Variants in ENPP3 observed in about 807,000 individuals in gnomAD.
ENPP3 encodes ectonucleotide pyrophosphatase/phosphodiesterase family member 3.
In ENPP3, 104 loss-of-function variants were observed where a neutral mutation model predicts 117.8. That is an observed-to-expected ratio of 0.88 (90% confidence interval 0.75 to 1.04). ENPP3 has a LOEUF of 1.04. ENPP3 is among the 50% of genes least tolerant of loss of function. ENPP3 has a pLI of 0.00. For missense variants in ENPP3, 1,026 were observed against 1,051.9 expected (o/e 0.98, Z 0.34); for synonymous variants, 380 against 349.9 (o/e 1.09, Z -0.96).
intron 11 of ENPP3, among the ~76,000 whole-genome samples, chr6:131,681,884 G>A (rs116054660): frequency 0.01 from 1,592 of 152,240 alleles, 24 homozygotes; most frequent in African/African-American, 0.036. Flanking sequence ...CTTTCACCCA[G>A]ACTGGAGTGA....
At chr6:131,697,658 A>G (rs546813779) in intron 15 of ENPP3, among the ~76,000 whole-genome samples, 3 of 152,034 alleles carry the variant, frequency 2.0e-5, no homozygotes, top group South Asian at 2.1e-4. Flanking sequence ...AGGAGCATAC[A>G]ACTTATATTC....
In ENPP3 at chr6:131,746,769, GT is replaced by G. The variant is rs1780643931; in HGVS notation, c.2458-16del. The G allele has an allele frequency of 6.3e-7, 1 of 1,586,516 alleles. No individual in the cohort carries two copies. The highest frequency in any genetic ancestry group is 8.5e-7 in the Non-Finnish European group (1 of 1,170,910). On this transcript the variant is annotated splice_polypyrimidine_tract_variant and intron_variant, in intron 24 of 24. Coordinates refer to ENST00000357639, the MANE Select transcript of ENPP3 (RefSeq NM_005021.5). Reference sequence around the variant, plus strand: ...ACTGCCTTGTGAAAAAAAAAGTGTTGTGCTTTTCTTTTTCAGGAAGGTAAAC... The same window carrying G: ...ACTGCCTTGTGAAAAAAAAAGTGTTGGCTTTTCTTTTTCAGGAAGGTAAAC...
chr6:131,717,916 C>T (rs978280997), intron 15 of ENPP3, among the ~76,000 whole-genome samples: 4 of 152,174 alleles, frequency 2.6e-5, no homozygotes, highest in African/African-American at 9.6e-5. Context: ...CATTGTGTTA[C>T]AGCTGCCTGT....
intron 2 of ENPP3, among the ~76,000 whole-genome samples, chr6:131,645,669 AG>A (rs1778139548): frequency 6.6e-6 from 1 of 152,338 alleles, no homozygotes; most frequent in South Asian, 2.1e-4. Flanking sequence ...CAGTTTGGCT[AG>A]GTGTTGAATT....
At chr6:131,655,305 T>C (rs1177206059) in intron 5 of ENPP3, among the ~76,000 whole-genome samples, 1 of 152,242 alleles carries the variant, frequency 6.6e-6, no homozygotes, top group Non-Finnish European at 1.5e-5. Flanking sequence ...CTTTACACAA[T>C]AGTCATCTTA....
At chr6:131,695,021 G>T (rs1779374050) in intron 15 of ENPP3, among the ~76,000 whole-genome samples, 1 of 151,610 alleles carries the variant, frequency 6.6e-6, no homozygotes, top group Non-Finnish European at 1.5e-5. Flanking sequence ...GTTTCACACT[G>T]GTTCACTAGA....
chr6:131,738,238 T>C, intron 23 of ENPP3, 75 bp downstream of exon 23: 3 of 1,129,442 alleles, frequency 2.7e-6, no homozygotes, highest in Non-Finnish European at 3.9e-6. Flanking sequence ...TAAAGCTCAG[T>C]ATTTTAAATA....
chr6:131,718,945 T>C (rs1017033376), intron 16 of ENPP3, among the ~76,000 whole-genome samples: 1 of 152,196 alleles, frequency 6.6e-6, no homozygotes, highest in Non-Finnish European at 1.5e-5. Flanking sequence ...TCAAGGTTCT[T>C]GAATACATCT....
At chr6:131,652,785 G>C in intron 4 of ENPP3, 46 bp from the exon 5 acceptor site, 1 of 1,592,932 alleles carries the variant, frequency 6.3e-7, no homozygotes, top group Non-Finnish European at 8.6e-7. Context: ...TAGTTACTCT[G>C]TCTGTGCTGC....
At position 131,643,739 on chromosome 6, in the gene ENPP3, T is replaced by C. The variant is rs180925342; in HGVS notation, c.154+2209T>C. Among the ~76,000 whole-genome samples, 67 of 152,308 alleles carry C rather than the reference T, an allele frequency of 4.4e-4. No homozygotes were observed. In the East Asian group the frequency reaches 8.9e-3, roughly 20 times the overall value. On this transcript the variant is annotated intron_variant, in intron 2 of 24. Coordinates refer to ENST00000357639, the MANE Select transcript of ENPP3 (RefSeq NM_005021.5). ...ACTACACGTATTTTTTGATTGAACA[T>C]TATGTGCTTGGTATTATTACAATTA...
At position 131,722,311 on chromosome 6, in the gene ENPP3, C is replaced by G. The variant is rs1341285456; in HGVS notation, c.1652C>G (p.Ser551Cys). 3.1e-6 allele frequency: 5 copies of G among 1,613,792 alleles called. No homozygotes were observed. The East Asian group carries it at 6.7e-5, about 22-fold the overall frequency. ...CTGAAGGTGCCTTTTTATGAGCCAT[C>G]CCATGCAGAGGAGGTGTCAAAGTTT... The part of the protein sequence containing the change: ...HLLKVPFYEP[S>C]HAEEVSKFSV... The change falls in exon 18 of 25, where the codon TCC becomes TGC. Residue 551 changes from serine (S) to cysteine (C), a missense_variant. Coordinates refer to ENST00000357639, the MANE Select transcript of ENPP3 (RefSeq NM_005021.5).
At chr6:131,743,160 A>T (rs1401829246) in intron 24 of ENPP3, among the ~76,000 whole-genome samples, 1 of 152,100 alleles carries the variant, frequency 6.6e-6, no homozygotes, top group East Asian at 1.9e-4. Flanking sequence ...AGATGACTAA[A>T]AATCCAGGGC....
In ENPP3 at chr6:131,675,215, C is replaced by G. The variant is rs777604511; in HGVS notation, c.872+26C>G. The G allele has an allele frequency of 3.1e-6, 4 of 1,277,556 alleles. No individual in the cohort carries two copies. In the Admixed American group the frequency reaches 5.1e-5, roughly 16 times the overall value. 79.1% of individuals were successfully genotyped at this position (1,277,556 alleles called of 1,614,324 possible). On this transcript the variant is annotated intron_variant, in intron 9 of 24. Coordinates refer to ENST00000357639, the MANE Select transcript of ENPP3 (RefSeq NM_005021.5). ...GTAGTGAAGCACTTTCAGATATTCTCCCAGCTAGGCAGAAATGATCAAGAT... is the reference window on the plus strand; with the variant it reads ...GTAGTGAAGCACTTTCAGATATTCTGCCAGCTAGGCAGAAATGATCAAGAT...
chr6:131,657,166 T>C (rs966027052), intron 5 of ENPP3, among the ~76,000 whole-genome samples: 4 of 152,210 alleles, frequency 2.6e-5, no homozygotes, highest in African/African-American at 9.7e-5. Flanking sequence ...TTTCCATTTT[T>C]ATTTTTAAAT....
At chr6:131,742,072 G>A (rs1182250574) in intron 24 of ENPP3, among the ~76,000 whole-genome samples, 1 of 151,978 alleles carries the variant, frequency 6.6e-6, no homozygotes, top group Non-Finnish European at 1.5e-5. Context: ...ATGTAGATAC[G>A]ATTTTACTTG....
chr6:131,680,557 T>A (rs1779002272), intron 11 of ENPP3, among the ~76,000 whole-genome samples: 1 of 151,598 alleles, frequency 6.6e-6, no homozygotes, highest in South Asian at 2.1e-4. Flanking sequence ...AATAGAAGGG[T>A]TAGGACCAAC....
chr6:131,680,464 A>C (rs1282294632), intron 11 of ENPP3, among the ~76,000 whole-genome samples: 1 of 152,192 alleles, frequency 6.6e-6, no homozygotes, highest in Non-Finnish European at 1.5e-5. Context: ...TTAAAGCTCA[A>C]AGGAGGTGAA....
intron 2 of ENPP3, among the ~76,000 whole-genome samples, chr6:131,645,017 C>T (rs1283351746): frequency 2.6e-5 from 4 of 152,156 alleles, no homozygotes; most frequent in Non-Finnish European, 5.9e-5. Context: ...TCATTGAGCA[C>T]TTTTTGAGAC....
At chr6:131,719,734 T>C (rs1188902548) in intron 16 of ENPP3, among the ~76,000 whole-genome samples, 5 of 152,150 alleles carry the variant, frequency 3.3e-5, no homozygotes, top group Non-Finnish European at 4.4e-5. Context: ...AATAATTTGA[T>C]CTGTTATAAA....
Sources: gnomAD v4.1 joint callset for allele counts (sites outside exome capture counted in the v4.1 genomes callset) on GRCh38, gnomAD v4.1.1 for gene constraint, MANE v1.5 for transcripts, NCBI Gene and HGNC (gene_info 2026-07-23, HGNC 2026-07-21) for gene names.